P4HA1: variants seen among roughly 807,000 people sequenced by gnomAD.
The protein encoded by P4HA1 is prolyl 4-hydroxylase subunit alpha 1.
A neutral mutation model predicts 72.8 loss-of-function variants in P4HA1; 24 were observed. That is an observed-to-expected ratio of 0.33 (90% CI 0.24 to 0.46). The LOEUF is 0.46. Among genes scored for constraint, P4HA1 ranks in the 20% least tolerant of loss-of-function variants. The pLI, the probability that P4HA1 is intolerant of heterozygous loss-of-function variation, is 1.00. For missense variants in P4HA1, 446 were observed against 640.6 expected (o/e 0.70, Z 3.28); for synonymous variants, 201 against 218.8 (o/e 0.92, Z 0.72).
intron 9 of P4HA1, among the ~76,000 whole-genome samples, chr10:73,043,316 C>G (rs1057460730): frequency 6.6e-6 from 1 of 152,044 alleles, no homozygotes; most frequent in African/African-American, 2.4e-5. Flanking sequence ...TCATGAGAGC[C>G]GAGAAACCTT....
At chr10:73,050,699 CAAA>C (rs11389497) in intron 7 of P4HA1, among the ~76,000 whole-genome samples, 3 of 106,328 alleles carry the variant, frequency 2.8e-5, no homozygotes, top group East Asian at 2.6e-4. Context: ...GACTCCATCT[CAAA>C]AAAAAAAAAA....
At chr10:73,021,689 C>A (rs565090741) in intron 10 of P4HA1, among the ~76,000 whole-genome samples, 3 of 152,166 alleles carry the variant, frequency 2.0e-5, no homozygotes, top group African/African-American at 7.2e-5. Flanking sequence ...GGCGGGGCAT[C>A]GCCTCACCCA....
rs1400318426 is a variant in P4HA1 at position 73,059,423 on chromosome 10, TTAAAAAAAAAAAAA to T, written c.464-5847_464-5834del. 1.9e-4 allele frequency among the ~76,000 whole-genome samples: 9 copies of T among 47,584 alleles called. 1 individual carries two copies. The highest frequency in any genetic ancestry group is 1.7e-3 in the South Asian group (3 of 1,720). The allele number at this position is 47,584 out of a possible 152,430, so 31.2% of individuals were successfully genotyped here. On this transcript the variant is annotated intron_variant, in intron 5 of 14. Transcript: ENST00000394890. ...CGGGCAAAATAATGAGACAATATAT[TTAAAAAAAAAAAAA>T]AAAAAAAAAAAAAAAAAAAAAAAAG... is the stretch of plus-strand genomic sequence containing the variant.
At chr10:73,020,223 C>G (rs1840101903) in intron 10 of P4HA1, among the ~76,000 whole-genome samples, 1 of 151,878 alleles carries the variant, frequency 6.6e-6, no homozygotes, top group South Asian at 2.1e-4. Flanking sequence ...TTACAACTGA[C>G]CCCAAAGAAA....
intron 1 of P4HA1, among the ~76,000 whole-genome samples, chr10:73,076,450 C>T (rs1841699424): frequency 6.6e-6 from 1 of 151,674 alleles, no homozygotes; most frequent in Admixed American, 6.6e-5. Flanking sequence ...AGGACCCAGA[C>T]TTCAGTTTTG....
intron 8 of P4HA1, 104 bp from the exon 9 acceptor site, chr10:73,045,155 G>A: frequency 2.3e-6 from 2 of 883,960 alleles, no homozygotes; most frequent in South Asian, 1.5e-5. Context: ...AGGCTAAAAA[G>A]AGAAAATAAC....
intron 14 of P4HA1, chr10:73,009,567 A>G: frequency 2.3e-6 from 1 of 425,820 alleles, no homozygotes; most frequent in South Asian, 3.1e-5. Flanking sequence ...ATATTGTCTT[A>G]TTCAATTTTG....
intron 13 of P4HA1, 68 bp downstream of exon 13, chr10:73,010,901 A>T: frequency 9.3e-7 from 1 of 1,079,588 alleles, no homozygotes; most frequent in Non-Finnish European, 1.4e-6. Context: ...TAATTAGACC[A>T]TGAATACAAG....
rs1839818132 is a variant in P4HA1, at chr10:73,007,499, T to TA, written c.*722dup. The TA allele has an allele frequency of 6.6e-6, 1 of 151,924 alleles. No homozygotes were observed. Among genetic ancestry groups the TA allele is most frequent in the Non-Finnish European group, 1.5e-5 (1 of 67,938 alleles). 9.4% of individuals were successfully genotyped at this position (151,924 alleles called of 1,614,324 possible). ...TCCTGAACAAAATCATCTGTCATTT[T>TA]AAAAAAGGGATAAAAAAACAGGCTA... On this transcript the variant is annotated 3_prime_UTR_variant, in exon 15 of 15. Transcript: ENST00000394890.
chr10:73,012,939 G>A (rs1457220109), intron 12 of P4HA1, among the ~76,000 whole-genome samples: 1 of 152,114 alleles, frequency 6.6e-6, no homozygotes, highest in African/African-American at 2.4e-5. Flanking sequence ...GGTACTACAG[G>A]TGTGTGCCAC....
intron 2 of P4HA1, among the ~76,000 whole-genome samples, chr10:73,074,298 A>G (rs1438996313): frequency 6.6e-6 from 1 of 152,102 alleles, no homozygotes; most frequent in African/African-American, 2.4e-5. Flanking sequence ...CATTTTATAT[A>G]CTGGAATCAA....
intron 1 of P4HA1, among the ~76,000 whole-genome samples, chr10:73,090,669 A>G (rs1045261267): frequency 1.3e-5 from 2 of 152,200 alleles, no homozygotes; most frequent in African/African-American, 2.4e-5. Context: ...CTTGGTGGCA[A>G]TGGTCACTAT....
intron 10 of P4HA1, among the ~76,000 whole-genome samples, chr10:73,018,131 C>T (rs967354036): frequency 3.3e-5 from 5 of 152,118 alleles, no homozygotes; most frequent in Non-Finnish European, 5.9e-5. Context: ...ACTGCTCTAC[C>T]CACCCCTCCC....
intron 9 of P4HA1, among the ~76,000 whole-genome samples, chr10:73,031,590 C>A (rs1840434489): frequency 6.6e-6 from 1 of 151,346 alleles, no homozygotes; most frequent in South Asian, 2.1e-4. Context: ...ACAGAATAGA[C>A]AAATCAATAG....
At chr10:73,053,085 G>A (rs570926997) in intron 6 of P4HA1, among the ~76,000 whole-genome samples, 5 of 152,124 alleles carry the variant, frequency 3.3e-5, no homozygotes, top group Non-Finnish European at 7.4e-5. Flanking sequence ...AAACATTTTT[G>A]ACTTAGTTAC....
intron 7 of P4HA1, among the ~76,000 whole-genome samples, chr10:73,047,813 G>A (rs1840910453): frequency 6.6e-6 from 1 of 152,156 alleles, no homozygotes; most frequent in Non-Finnish European, 1.5e-5. Flanking sequence ...ACTTTGGGAT[G>A]CTGAGGTAGG....
intron 13 of P4HA1, 68 bp from the exon 14 acceptor site, chr10:73,009,971 C>CTTTTT: frequency 1.5e-6 from 1 of 653,306 alleles, no homozygotes; most frequent in South Asian, 1.8e-5. Context: ...GTAGTTATTA[C>CTTTTT]TTTTTTTTTT....
chr10:73,010,053 C>T, intron 13 of P4HA1, 150 bp from the exon 14 acceptor site: 1 of 537,648 alleles, frequency 1.9e-6, no homozygotes, highest in Admixed American at 2.9e-5. Context: ...ACTGCAACCT[C>T]CACCTCCCAG....
chr10:73,045,108 T>A, intron 8 of P4HA1, 57 bp from the exon 9 acceptor site: 2 of 1,392,074 alleles, frequency 1.4e-6, no homozygotes, highest in Non-Finnish European at 2.0e-6. Context: ...GAATCACATT[T>A]ACCCAACCAG....
Sources: allele counts gnomAD v4.1 joint callset (sites outside exome capture counted in the v4.1 genomes callset), GRCh38; gene constraint gnomAD v4.1.1; transcripts MANE v1.5; gene names NCBI Gene and HGNC (gene_info 2026-07-23, HGNC 2026-07-21).